SLC12A8: variants seen among roughly 807,000 people sequenced by gnomAD.
The protein encoded by SLC12A8 is cation-chloride cotransporter 9.
A neutral mutation model predicts 75.6 loss-of-function variants in SLC12A8; 69 were observed. That is an observed-to-expected ratio of 0.91 (90% CI 0.75 to 1.11). The LOEUF is 1.11. SLC12A8 is among the 50% of genes most tolerant of loss of function. SLC12A8 has a pLI of 0.00. For synonymous variants in SLC12A8, 365 were observed against 372.8 expected, an observed-to-expected ratio of 0.98 and a Z score of 0.24; for missense variants, 877 against 896.7, an observed-to-expected ratio of 0.98 and a Z score of 0.28.
At chr3:125,188,128 G>A (rs1271213556) in intron 3 of SLC12A8, among the ~76,000 whole-genome samples, 1 of 152,158 alleles carries the variant, frequency 6.6e-6, no homozygotes, top group Non-Finnish European at 1.5e-5. Context: ...CTCGTGAATG[G>A]CTTGGTGTCC....
At chr3:125,170,505 T>A (rs969520947) in intron 5 of SLC12A8, among the ~76,000 whole-genome samples, 1 of 152,202 alleles carries the variant, frequency 6.6e-6, no homozygotes, top group Non-Finnish European at 1.5e-5. Context: ...ATCCATGATA[T>A]GTTAAAGAGT....
intron 5 of SLC12A8, among the ~76,000 whole-genome samples, chr3:125,137,160 C>T (rs1313791676): frequency 6.6e-6 from 1 of 152,204 alleles, no homozygotes; most frequent in Non-Finnish European, 1.5e-5. Context: ...TCCTGCCACT[C>T]TGATGAGTCC....
chr3:125,180,608 T>C (rs916508158), intron 4 of SLC12A8, among the ~76,000 whole-genome samples: 11 of 152,128 alleles, frequency 7.2e-5, no homozygotes, highest in African/African-American at 2.7e-4. Flanking sequence ...GGAAAATCCC[T>C]TGAACCCGGG....
chr3:125,174,365 G>A (rs903381898), intron 5 of SLC12A8, among the ~76,000 whole-genome samples: 1 of 152,196 alleles, frequency 6.6e-6, no homozygotes, highest in Non-Finnish European at 1.5e-5. Flanking sequence ...TGGAGCAACA[G>A]GAACTCTCAT....
chr3:125,124,895 G>A (rs1476457544), intron 6 of SLC12A8, among the ~76,000 whole-genome samples: 3 of 152,096 alleles, frequency 2.0e-5, no homozygotes, highest in Admixed American at 6.6e-5. Context: ...TAGGGTTGGC[G>A]TAATAGAACA....
chr3:125,130,899 C>T (rs755401351), intron 6 of SLC12A8, among the ~76,000 whole-genome samples: 5 of 152,200 alleles, frequency 3.3e-5, no homozygotes, highest in African/African-American at 7.2e-5. Flanking sequence ...TGAGGACGCC[C>T]GAGACATTCC....
At chr3:125,178,103 G>A (rs1934580016) in intron 4 of SLC12A8, 129 bp from the exon 5 acceptor site, 4 of 768,020 alleles carry the variant, frequency 5.2e-6, no homozygotes, top group Non-Finnish European at 8.8e-6. Flanking sequence ...ACAGTGCCTG[G>A]GACCAGTGCA....
At chr3:125,094,189 T>C (rs953468050) in intron 10 of SLC12A8, among the ~76,000 whole-genome samples, 2 of 152,180 alleles carry the variant, frequency 1.3e-5, no homozygotes, top group Admixed American at 1.3e-4. Context: ...GTTAAGCTCA[T>C]TTGCTCTGCT....
At chr3:125,127,062 G>A (rs1933227212) in intron 6 of SLC12A8, among the ~76,000 whole-genome samples, 1 of 152,202 alleles carries the variant, frequency 6.6e-6, no homozygotes, top group African/African-American at 2.4e-5. Flanking sequence ...CCTTGTAGGT[G>A]CTAAATAAAT....
intron 9 of SLC12A8, among the ~76,000 whole-genome samples, chr3:125,108,964 A>G (rs932022232): frequency 1.3e-5 from 2 of 152,180 alleles, no homozygotes; most frequent in African/African-American, 4.8e-5. Flanking sequence ...ACAGGAGTGG[A>G]AAAAAGGTGC....
intron 2 of SLC12A8, among the ~76,000 whole-genome samples, chr3:125,211,093 A>G (rs143890101): frequency 6.6e-6 from 1 of 152,352 alleles, no homozygotes; most frequent in Non-Finnish European, 1.5e-5. Context: ...ACCACAAATA[A>G]TGCCAAAGGT....
At chr3:125,189,577 G>A (rs79305944) in intron 3 of SLC12A8, among the ~76,000 whole-genome samples, 181 of 152,344 alleles carry the variant, frequency 1.2e-3, no homozygotes, top group African/African-American at 4.1e-3. Context: ...AGGGCGGGGC[G>A]GGGAAGAGAG....
At chr3:125,140,255 A>G (rs1023917541) in intron 5 of SLC12A8, among the ~76,000 whole-genome samples, 3 of 152,192 alleles carry the variant, frequency 2.0e-5, no homozygotes, top group African/African-American at 7.2e-5. Flanking sequence ...CCACTGAACA[A>G]CAAGACCTTA....
Position 125,107,691 on chromosome 3 carries a change from G to T in SLC12A8, c.1495C>A (p.Gln499Lys). 1 of 1,614,154 alleles carries T rather than the reference G, an allele frequency of 6.2e-7. No homozygotes were observed. Among genetic ancestry groups the T allele is most frequent in the East Asian group, 2.2e-5 (1 of 44,878 alleles). Residue 499 changes from glutamine (Q) to lysine (K), a missense_variant, in exon 10 of 14, where the codon CAG becomes AAG. Coordinates refer to ENST00000469902, the MANE Select transcript of SLC12A8 (RefSeq NM_024628.6). ...AAGAGGAAGCTATCTTGTAGGGTCT[G>T]CTTGGTGGCCTTCTTGCTTTTCCTC... ...QKRKSKKATK[Q>K]TLQDSFLLDL... is the part of the protein sequence containing the mutation.
chr3:125,131,667 C>T (rs547342805), intron 6 of SLC12A8, among the ~76,000 whole-genome samples: 1 of 152,284 alleles, frequency 6.6e-6, no homozygotes, highest in South Asian at 2.1e-4. Flanking sequence ...GGATTACAGG[C>T]GTGAGCCACC....
intron 9 of SLC12A8, 48 bp from the exon 10 acceptor site, chr3:125,108,174 C>T (rs370738189): frequency 7.4e-5 from 115 of 1,547,022 alleles, no homozygotes; most frequent in African/African-American, 8.3e-5. Context: ...TCAGATAGAA[C>T]GCTTCAGAGA....
chr3:125,109,238 C>T (rs558014557), intron 9 of SLC12A8, among the ~76,000 whole-genome samples: 12 of 152,266 alleles, frequency 7.9e-5, no homozygotes, highest in Non-Finnish European at 1.5e-4. Context: ...ATCTGTACTC[C>T]CTCCCTTGGT....
At chr3:125,199,074 G>A (rs887290779) in intron 2 of SLC12A8, among the ~76,000 whole-genome samples, 6 of 152,042 alleles carry the variant, frequency 3.9e-5, no homozygotes, top group South Asian at 4.1e-4. Context: ...CACCATGCCC[G>A]GCTGACAATA....
Position 125,107,610 on chromosome 3 carries a change from C to G in SLC12A8, c.1576G>C (p.Ala526Pro), listed in dbSNP as rs1472295748. 1 of 1,614,204 alleles carries G rather than the reference C, an allele frequency of 6.2e-7. No homozygotes were observed. Among genetic ancestry groups the G allele is most frequent in the African/African-American group, 1.3e-5 (1 of 75,056 alleles). ...PVEISDRLPA[A>P]SWEGQESCWN... ...CAGGACTCCTGCCCCTCCCAGGAGG[C>G]AGCGGGCAACCTGTCAGAGATCTCG... Residue 526 changes from alanine to proline, a missense_variant, in exon 10 of 14, where the codon GCC (alanine) becomes CCC (proline). Physicochemically the swap from Ala to Pro is conservative, Grantham distance 27. Coordinates refer to ENST00000469902, the MANE Select transcript of SLC12A8 (RefSeq NM_024628.6).
Sources: allele counts gnomAD v4.1 joint callset (sites outside exome capture counted in the v4.1 genomes callset), GRCh38; gene constraint gnomAD v4.1.1; transcripts MANE v1.5; gene names NCBI Gene and HGNC (gene_info 2026-07-23, HGNC 2026-07-21).